NAV2: variants seen among roughly 807,000 people sequenced by gnomAD.
NAV2 encodes helicase, APC down-regulated 1.
A neutral mutation model predicts 223.2 loss-of-function variants in NAV2; 54 were observed. The ratio of observed to expected loss-of-function variants is 0.24; its 90% CI spans 0.19 to 0.30. NAV2 has a LOEUF of 0.30. NAV2 is among the 10% of genes least tolerant of loss of function. The probability of loss-of-function intolerance (pLI) is 1.00; values close to 1 mark genes in which losing one functional copy is unlikely to be tolerated. For missense variants in NAV2, 2,806 were observed against 3,147.5 expected (o/e 0.89, Z 2.60); for synonymous variants, 1,279 against 1,239.3 (o/e 1.03, Z -0.67).
intron 5 of NAV2, chr11:19,884,261 A>G (rs960664376): frequency 1.3e-5 from 20 of 1,520,320 alleles, no homozygotes; most frequent in Non-Finnish European, 1.6e-5. Flanking sequence ...CTCCTCATTC[A>G]GCTCTTCCAC....
intron 1 of NAV2, among the ~76,000 whole-genome samples, chr11:19,435,267 A>G (rs1326659069): frequency 6.6e-6 from 1 of 151,302 alleles, no homozygotes; most frequent in African/African-American, 2.4e-5. Context: ...CCACCATTTT[A>G]CTCTTTCTTC....
At chr11:19,934,881 A>T (rs894557) in intron 7 of NAV2, among the ~76,000 whole-genome samples, 2 of 151,776 alleles carry the variant, frequency 1.3e-5, no homozygotes, top group Admixed American at 1.3e-4. Context: ...GTGTTTGTGG[A>T]GATGGATGGA....
At chr11:19,689,381 G>A (rs1261124407) in intron 1 of NAV2, among the ~76,000 whole-genome samples, 2 of 152,206 alleles carry the variant, frequency 1.3e-5, no homozygotes, top group Non-Finnish European at 2.9e-5. Flanking sequence ...AGGAATGGGA[G>A]GAAAAGTTGG....
chr11:19,421,682 G>C (rs1850618207), intron 1 of NAV2, among the ~76,000 whole-genome samples: 1 of 149,324 alleles, frequency 6.7e-6, no homozygotes, highest in Non-Finnish European at 1.5e-5. Context: ...ACTGAGGCTG[G>C]AAATGGTGGG....
At chr11:20,051,416 G>A (rs2057996784) in intron 17 of NAV2, 83 bp downstream of exon 17, 2 of 1,348,218 alleles carry the variant, frequency 1.5e-6, no homozygotes, top group African/African-American at 1.4e-5. Context: ...GCTGGTGGGG[G>A]TTTGGGCTGG....
intron 1 of NAV2, among the ~76,000 whole-genome samples, chr11:19,682,948 A>C (rs186428806): frequency 6.6e-6 from 1 of 152,332 alleles, no homozygotes; most frequent in Admixed American, 6.5e-5. Context: ...GGTTCAGAGA[A>C]GTGAAGCATT....
chr11:19,968,229 C>T (rs948367440), intron 10 of NAV2, among the ~76,000 whole-genome samples: 3 of 152,142 alleles, frequency 2.0e-5, no homozygotes, highest in African/African-American at 7.2e-5. Context: ...TAGAGTTTCA[C>T]TCTTGTTGCC....
Position 19,948,790 on chromosome 11 carries a change from G to A in NAV2, c.2355G>A (p.Leu785=), listed in dbSNP as rs770219574. 2.5e-6 allele frequency: 4 copies of A among 1,614,006 alleles called. No individual in the cohort carries two copies. The highest frequency in any genetic ancestry group is 3.4e-6 in the Non-Finnish European group (4 of 1,179,998). The change falls in exon 10 of 38, where the codon CTG becomes CTA. Residue 785 remains leucine, a synonymous_variant. Coordinates refer to ENST00000349880, the MANE Select transcript of NAV2 (RefSeq NM_145117.5). ...TGRPTPLSWR[L]GQSSPRLQAG... is the part of the protein sequence containing the mutation. ...GGCCCACACCTCTGTCCTGGAGACT[G>A]GGCCAGTCCAGCCCTCGGCTCCAAG...
chr11:19,628,760 G>A (rs1354962970), intron 1 of NAV2, among the ~76,000 whole-genome samples: 1 of 152,114 alleles, frequency 6.6e-6, no homozygotes, highest in Non-Finnish European at 1.5e-5. Flanking sequence ...CCAGAAACAT[G>A]CACATATAAT....
chr11:19,931,793 A>C (rs1410433085), intron 6 of NAV2: 1 of 152,210 alleles, frequency 6.6e-6, no homozygotes, highest in Non-Finnish European at 1.5e-5. Flanking sequence ...GCTGCTAGGT[A>C]AGTCATGTCA....
intron 11 of NAV2, among the ~76,000 whole-genome samples, chr11:19,995,070 T>TCAA (rs1386659772): frequency 6.6e-6 from 1 of 152,210 alleles, no homozygotes; most frequent in African/African-American, 2.4e-5. Flanking sequence ...AGGAGTGCAG[T>TCAA]AGGAACCAAA....
At chr11:19,502,694 A>T (rs2042998672) in intron 1 of NAV2, 1 of 152,220 alleles carries the variant, frequency 6.6e-6, no homozygotes, top group Non-Finnish European at 1.5e-5. Context: ...TCATTTTATT[A>T]TGATATAACT....
At chr11:19,885,566 G>T (rs1390165058) in intron 5 of NAV2, among the ~76,000 whole-genome samples, 1 of 152,148 alleles carries the variant, frequency 6.6e-6, no homozygotes, top group East Asian at 1.9e-4. Context: ...TTCTTATTGA[G>T]TATTGAGTCA....
intron 11 of NAV2, among the ~76,000 whole-genome samples, chr11:20,016,593 A>G (rs879941670): frequency 3.9e-5 from 6 of 152,208 alleles, no homozygotes; most frequent in Admixed American, 1.3e-4. Flanking sequence ...GGAGCACAGT[A>G]TCACCACTTC....
chr11:19,416,396 A>T (rs1391590743), intron 1 of NAV2, among the ~76,000 whole-genome samples: 1 of 152,244 alleles, frequency 6.6e-6, no homozygotes, highest in Non-Finnish European at 1.5e-5. Flanking sequence ...AAGGTATGTG[A>T]AGGACCTCTT....
intron 1 of NAV2, among the ~76,000 whole-genome samples, chr11:19,685,873 C>T (rs1467793126): frequency 6.6e-6 from 1 of 152,158 alleles, no homozygotes; most frequent in Non-Finnish European, 1.5e-5. Context: ...CCAAGAGGTG[C>T]TTTTGGACTT....
intron 1 of NAV2, among the ~76,000 whole-genome samples, chr11:19,821,159 G>A (rs937553878): frequency 5.3e-5 from 8 of 151,894 alleles, no homozygotes; most frequent in African/African-American, 1.7e-4. Context: ...CTACTTGGGA[G>A]GCTGAGGCAG....
At chr11:19,963,144 C>T (rs1470973641) in intron 10 of NAV2, among the ~76,000 whole-genome samples, 2 of 152,234 alleles carry the variant, frequency 1.3e-5, no homozygotes, top group South Asian at 2.1e-4. Flanking sequence ...CACTGTAATT[C>T]ATAGTCGCTA....
chr11:19,357,449 T>C (rs758554125), intron 1 of NAV2, among the ~76,000 whole-genome samples: 1 of 152,190 alleles, frequency 6.6e-6, no homozygotes, highest in Non-Finnish European at 1.5e-5. Context: ...AATAAAACTT[T>C]TGGTGAGGAT....
Sources: gnomAD v4.1 joint callset for allele counts (sites outside exome capture counted in the v4.1 genomes callset) on GRCh38, gnomAD v4.1.1 for gene constraint, MANE v1.5 for transcripts, NCBI Gene and HGNC (gene_info 2026-07-23, HGNC 2026-07-21) for gene names.